The following SRGAP2B variants were observed in gnomAD, a reference collection of about 807,000 sequenced individuals.
SRGAP2B encodes the protein SLIT-ROBO Rho GTPase-activating protein 2B.
In SRGAP2B, 9 loss-of-function variants were observed where a neutral mutation model predicts 22.2. The ratio of observed to expected loss-of-function variants is 0.41; its 90% CI spans 0.24 to 0.71. The LOEUF (loss-of-function observed/expected upper bound fraction) is 0.71. Among genes scored for constraint, SRGAP2B ranks in the 30% least tolerant of loss-of-function variants. SRGAP2B has a pLI of 0.35. For missense variants in SRGAP2B, 114 were observed against 235.8 expected (o/e 0.48, Z 3.38); for synonymous variants, 36 against 87.4 (o/e 0.41, Z 3.28).
intron 5 of SRGAP2B, 94 bp from the exon 6 acceptor site, chr1:144,906,168 C>G (rs1333827384): frequency 7.2e-6 from 5 of 689,986 alleles, no homozygotes; most frequent in African/African-American, 2.0e-5. Flanking sequence ...GAGCTCTCCC[C>G]CATGAAGCAA....
intron 9 of SRGAP2B, among the ~76,000 whole-genome samples, chr1:144,892,644 A>G (rs1662197711): frequency 6.7e-6 from 1 of 149,762 alleles, no homozygotes; most frequent in Non-Finnish European, 1.5e-5. Flanking sequence ...GTTTACTTTT[A>G]AAATTTAATA....
At chr1:144,997,160 G>A (rs1570963281) in intron 2 of SRGAP2B, among the ~76,000 whole-genome samples, 1 of 150,564 alleles carries the variant, frequency 6.6e-6, no homozygotes, top group East Asian at 1.9e-4. Flanking sequence ...CAGGCGCGGT[G>A]GCTCACGCCT....
chr1:144,969,195 A>G, intron 3 of SRGAP2B, among the ~76,000 whole-genome samples: 1 of 127,530 alleles, frequency 7.8e-6, no homozygotes, highest in Non-Finnish European at 1.6e-5. Context: ...AGTCAATCCT[A>G]AGGCAAAAGA....
chr1:144,972,798 A>T (rs1193048412), intron 3 of SRGAP2B, among the ~76,000 whole-genome samples: 1 of 148,066 alleles, frequency 6.8e-6, no homozygotes, highest in Non-Finnish European at 1.5e-5. Context: ...AGTAGGCAAC[A>T]GTAGAAGAGA....
intron 4 of SRGAP2B, among the ~76,000 whole-genome samples, chr1:144,928,963 CTCT>C (rs2101821658): frequency 6.8e-6 from 1 of 147,152 alleles, no homozygotes; most frequent in South Asian, 2.1e-4. Context: ...CTCTCCAAAA[CTCT>C]TCTTTCCTTT....
At chr1:145,010,685 T>A (rs1671987396) in intron 2 of SRGAP2B, among the ~76,000 whole-genome samples, 1 of 150,672 alleles carries the variant, frequency 6.6e-6, no homozygotes, top group Non-Finnish European at 1.5e-5. Context: ...ATAAAATTAT[T>A]TCACCCTCAC....
intron 4 of SRGAP2B, among the ~76,000 whole-genome samples, chr1:144,925,745 A>AAGAAAGAAAGAC (rs1664654957): frequency 7.2e-6 from 1 of 139,258 alleles, no homozygotes; most frequent in Non-Finnish European, 1.6e-5. Flanking sequence ...GAAAGAAAGA[A>AAGAAAGAAAGAC]AGAAAGAAAG....
At chr1:144,941,436 T>C (rs1475193467) in intron 4 of SRGAP2B, among the ~76,000 whole-genome samples, 1 of 143,668 alleles carries the variant, frequency 7.0e-6, no homozygotes, top group Admixed American at 7.0e-5. Flanking sequence ...AAGTTTCATA[T>C]TGAGTAAATG....
intron 2 of SRGAP2B, among the ~76,000 whole-genome samples, chr1:144,996,236 G>A (rs2180016): frequency 0.038 from 5,719 of 149,816 alleles, 455 homozygotes; most frequent in African/African-American, 0.14. Flanking sequence ...CTTGCAGTGT[G>A]TATCCTGCTG....
intron 2 of SRGAP2B, among the ~76,000 whole-genome samples, chr1:145,082,205 A>G (rs1211776418): frequency 1.4e-5 from 2 of 147,498 alleles, no homozygotes; most frequent in Admixed American, 1.3e-4. Context: ...GTTCAGAACC[A>G]TTCATTCACA....
At chr1:145,068,919 G>A (rs1416338747) in intron 2 of SRGAP2B, among the ~76,000 whole-genome samples, 249 of 143,458 alleles carry the variant, frequency 1.7e-3, no homozygotes, top group African/African-American at 6.4e-3. Context: ...GTGTGTGTGT[G>A]TGTGTGTGTG....
intron 2 of SRGAP2B, among the ~76,000 whole-genome samples, chr1:145,069,229 T>C (rs1315004434): frequency 1.3e-5 from 2 of 149,666 alleles, no homozygotes; most frequent in East Asian, 3.9e-4. Flanking sequence ...AGGTGTTAAT[T>C]GCTGAAGAGT....
chr1:144,945,526 G>A (rs1268242496), intron 4 of SRGAP2B, among the ~76,000 whole-genome samples: 2 of 151,810 alleles, frequency 1.3e-5, no homozygotes, highest in Non-Finnish European at 2.9e-5. Context: ...AGAAGTTTGA[G>A]TCTACAGTGA....
intron 2 of SRGAP2B, among the ~76,000 whole-genome samples, chr1:145,047,035 G>A (rs1649865118): frequency 7.0e-6 from 1 of 142,774 alleles, no homozygotes. Context: ...AATTAGCCAG[G>A]CATGGTCGTG....
intron 2 of SRGAP2B, among the ~76,000 whole-genome samples, chr1:145,037,156 GTACT>G (rs1227926661): frequency 1.8e-4 from 10 of 56,732 alleles, no homozygotes; most frequent in African/African-American, 5.8e-4. Context: ...AGCAAGCACC[GTACT>G]TACTTCTTAG....
rs587758323 is a variant in SRGAP2B at position 144,974,880 on chromosome 1, G to C, written c.261-19279C>G. On this transcript the variant is annotated intron_variant, in intron 3 of 9. Transcript: ENST00000612199. Reference sequence around the variant, plus strand: ...CTGAGCAGATGCTGATGCTGATGCTGATGCTGATGCTGATGCTGGATTCTT... The same window carrying C: ...CTGAGCAGATGCTGATGCTGATGCTCATGCTGATGCTGATGCTGGATTCTT... Among the ~76,000 whole-genome samples, 4 of 150,064 alleles carry C rather than the reference G, an allele frequency of 2.7e-5. 1 individual carries two copies. In the South Asian group the frequency reaches 6.3e-4, roughly 24 times the overall value.
chr1:145,017,005 G>T (rs1445248918), intron 2 of SRGAP2B, among the ~76,000 whole-genome samples: 1 of 139,712 alleles, frequency 7.2e-6, no homozygotes, highest in African/African-American at 2.8e-5. Flanking sequence ...TGTCACCCAG[G>T]CTAGAGTGCA....
chr1:144,972,697 C>T lies in SRGAP2B; in HGVS notation c.261-17096G>A, dbSNP rs1476413925. ...AATTTAAAAAACAATGCTCTTAAAG[C>T]AATGTTTTACAAACTGTGGGATTCA... On this transcript the variant is annotated intron_variant, in intron 3 of 9. Transcript: ENST00000612199. Among the ~76,000 whole-genome samples, 22 of 147,766 alleles carry T rather than the reference C, an allele frequency of 1.5e-4. 1 individual carries two copies. The highest frequency in any genetic ancestry group is 4.9e-4 in the African/African-American group (19 of 38,488).
At chr1:144,899,108 CAGGGGGTAGAATCTGG>C (rs1662494621) in intron 7 of SRGAP2B, among the ~76,000 whole-genome samples, 1 of 140,594 alleles carries the variant, frequency 7.1e-6, no homozygotes, top group African/African-American at 2.6e-5. Context: ...GGGGTGTGGG[CAGGGGGTAGAATCTGG>C]GAGAGAAAAG....
Sources: gnomAD v4.1 joint callset for allele counts (sites outside exome capture counted in the v4.1 genomes callset) on GRCh38, gnomAD v4.1.1 for gene constraint, MANE v1.5 for transcripts, NCBI Gene and HGNC (gene_info 2026-07-23, HGNC 2026-07-21) for gene names.